LRP1B: variants seen among roughly 807,000 people sequenced by gnomAD.
LRP1B encodes the protein low-density lipoprotein receptor-related protein 1B.
Under a neutral mutation model 556.6 loss-of-function variants are expected in LRP1B, and 217 were observed. The ratio of observed to expected loss-of-function variants is 0.39; its 90% CI spans 0.35 to 0.44. LRP1B has a LOEUF of 0.44. LRP1B is among the 20% of genes least tolerant of loss of function. The pLI is 1.00. For synonymous variants in LRP1B, 2,047 were observed against 1,865.8 expected, an observed-to-expected ratio of 1.10 and a Z score of -2.50; for missense variants, 5,053 against 5,620.8, an observed-to-expected ratio of 0.90 and a Z score of 3.23.
intron 3 of LRP1B, among the ~76,000 whole-genome samples, chr2:141,370,428 C>A (rs890682117): frequency 6.6e-6 from 1 of 152,096 alleles, no homozygotes; most frequent in African/African-American, 2.4e-5. Context: ...TCATAGACTT[C>A]TTGGCCATTT....
chr2:141,483,795 C>G (rs1260090000), intron 2 of LRP1B, among the ~76,000 whole-genome samples: 2 of 151,688 alleles, frequency 1.3e-5, no homozygotes, highest in Middle Eastern at 3.2e-3. Context: ...CCTTTGCCCA[C>G]TTTTTGATGG....
intron 3 of LRP1B, among the ~76,000 whole-genome samples, chr2:141,309,837 C>CT (rs531238859): frequency 4.0e-5 from 6 of 151,660 alleles, no homozygotes; most frequent in East Asian, 1.9e-4. Flanking sequence ...CCCCACCCCA[C>CT]TTTTTTTTAT....
At chr2:141,099,498 T>A (rs1156807398) in intron 7 of LRP1B, among the ~76,000 whole-genome samples, 1 of 152,176 alleles carries the variant, frequency 6.6e-6, no homozygotes. Context: ...GAGGATAGAT[T>A]TTACAACTTT....
chr2:140,441,777 C>T (rs1686435646), intron 66 of LRP1B, among the ~76,000 whole-genome samples: 1 of 152,002 alleles, frequency 6.6e-6, no homozygotes, highest in African/African-American at 2.4e-5. Flanking sequence ...CCAACAATGC[C>T]AAATTGGCAT....
At chr2:140,341,200 G>A (rs1453165151) in intron 77 of LRP1B, among the ~76,000 whole-genome samples, 4 of 151,496 alleles carry the variant, frequency 2.6e-5, no homozygotes, top group South Asian at 2.1e-4. Context: ...TTATGAATAC[G>A]TGTGTGTGCA....
intron 7 of LRP1B, among the ~76,000 whole-genome samples, chr2:141,139,781 A>ATGTGTGTGTG (rs58413685): frequency 6.8e-6 from 1 of 148,036 alleles, no homozygotes; most frequent in Non-Finnish European, 1.5e-5. Context: ...CATTGGAAAA[A>ATGTGTGTGTG]TGTGTGTGTG....
At chr2:140,268,789 C>T (rs982604736) in intron 86 of LRP1B, among the ~76,000 whole-genome samples, 1 of 151,572 alleles carries the variant, frequency 6.6e-6, no homozygotes, top group African/African-American at 2.4e-5. Context: ...GGAAATTTTT[C>T]AGACTGTAAA....
intron 2 of LRP1B, among the ~76,000 whole-genome samples, chr2:141,675,363 G>A (rs1461148298): frequency 6.6e-6 from 1 of 151,540 alleles, no homozygotes; most frequent in Admixed American, 6.6e-5. Flanking sequence ...ACATACTATT[G>A]CTAAGATTGT....
At chr2:141,577,585 A>G (rs1686798425) in intron 2 of LRP1B, among the ~76,000 whole-genome samples, 1 of 152,148 alleles carries the variant, frequency 6.6e-6, no homozygotes, top group Admixed American at 6.5e-5. Flanking sequence ...GAGGATATCC[A>G]AGCACCTGGC....
At chr2:141,096,659 AGAGAGAGAGAGAGAGAGAGAGAGAG>A in intron 7 of LRP1B, among the ~76,000 whole-genome samples, 1 of 124,934 alleles carries the variant, frequency 8.0e-6, no homozygotes, top group Non-Finnish European at 1.7e-5. Flanking sequence ...AGAGAGAGAG[AGAGAGAGAGAGAGAGAGAGAGAGAG>A]AGAGAGAAAA....
chr2:140,494,797 G>A (rs1688846618), intron 56 of LRP1B, among the ~76,000 whole-genome samples: 1 of 151,218 alleles, frequency 6.6e-6, no homozygotes, highest in South Asian at 2.1e-4. Flanking sequence ...TTATTAAAGT[G>A]GTTGAAAAAA....
chr2:141,579,724 C>CTTTTTTT lies in LRP1B; in HGVS notation c.206-99198_206-99192dup, dbSNP rs33913417. ...CATAAGGAAAACATATCAGGTTTCACTTTTTTTTTTTTTTTTTTGAGACGG... is the reference window on the plus strand; with the variant it reads ...CATAAGGAAAACATATCAGGTTTCACTTTTTTTTTTTTTTTTTTTTTTTTTGAGACGG... On this transcript the variant is annotated intron_variant, in intron 2 of 90. Coordinates refer to ENST00000389484, the MANE Select transcript of LRP1B (RefSeq NM_018557.3). Among the ~76,000 whole-genome samples, 887 of 100,904 alleles carry CTTTTTTT rather than the reference C, an allele frequency of 8.8e-3. 81 individuals are homozygous for CTTTTTTT. Among genetic ancestry groups the CTTTTTTT allele is most frequent in the Middle Eastern group, 0.013 (2 of 158 alleles). 66.2% of individuals were successfully genotyped at this position (100,904 alleles called of 152,430 possible).
intron 60 of LRP1B, among the ~76,000 whole-genome samples, chr2:140,463,581 T>C (rs1289992491): frequency 6.6e-6 from 1 of 152,046 alleles, no homozygotes; most frequent in Non-Finnish European, 1.5e-5. Flanking sequence ...TCAAAACAAA[T>C]AAAAGCATTA....
Position 140,490,627 on chromosome 2 carries a change from C to T in LRP1B, c.9120+1981G>A, listed in dbSNP as rs1028148781. On this transcript the variant is annotated intron_variant, in intron 57 of 90. Coordinates refer to ENST00000389484, the MANE Select transcript of LRP1B (RefSeq NM_018557.3). ...ATTTCATTCTGCATATGTGGACAGA[C>T]TCTCTGGACAAAGATAATGGTTTCT... 1.1e-4 allele frequency among the ~76,000 whole-genome samples: 17 copies of T among 152,212 alleles called. No homozygotes were observed. In the South Asian group the frequency reaches 1.2e-3, roughly 11 times the overall value.
chr2:140,522,939 C>T (rs1690247748), intron 49 of LRP1B, among the ~76,000 whole-genome samples: 1 of 151,924 alleles, frequency 6.6e-6, no homozygotes, highest in South Asian at 2.1e-4. Context: ...GATATATTCA[C>T]AGCCAAATTC....
chr2:140,426,681 C>G (rs1283346922), intron 66 of LRP1B, among the ~76,000 whole-genome samples: 2 of 152,168 alleles, frequency 1.3e-5, no homozygotes, highest in South Asian at 4.1e-4. Context: ...TAAAACAGCC[C>G]CACCCATATC....
At chr2:140,423,681 T>C (rs1295019104) in intron 66 of LRP1B, among the ~76,000 whole-genome samples, 1 of 152,126 alleles carries the variant, frequency 6.6e-6, no homozygotes, top group African/African-American at 2.4e-5. Flanking sequence ...AAAAACACTA[T>C]TACAGTTCCT....
chr2:140,616,987 T>C lies in LRP1B; in HGVS notation c.6800-15348A>G, dbSNP rs185177823. 2.4e-4 allele frequency among the ~76,000 whole-genome samples: 37 copies of C among 152,054 alleles called. No individual in the cohort carries two copies. The East Asian group carries it at 4.6e-3, about 19-fold the overall frequency. Reference sequence around the variant, plus strand: ...AAATAACAATCATAGTTAAAATTTATAGTGTGTATTTGGGCTTCACATGTG... The same window carrying C: ...AAATAACAATCATAGTTAAAATTTACAGTGTGTATTTGGGCTTCACATGTG... On this transcript the variant is annotated intron_variant, in intron 41 of 90. Coordinates refer to ENST00000389484, the MANE Select transcript of LRP1B (RefSeq NM_018557.3).
At chr2:141,457,515 A>G (rs1681678915) in intron 3 of LRP1B, among the ~76,000 whole-genome samples, 1 of 152,134 alleles carries the variant, frequency 6.6e-6, no homozygotes, top group Admixed American at 6.6e-5. Flanking sequence ...ATGGGTTGAT[A>G]GATGCAGCAA....
Sources: gnomAD v4.1 joint callset for allele counts (sites outside exome capture counted in the v4.1 genomes callset) on GRCh38, gnomAD v4.1.1 for gene constraint, MANE v1.5 for transcripts, NCBI Gene and HGNC (gene_info 2026-07-23, HGNC 2026-07-21) for gene names.